Variants in KCNB2 observed in about 807,000 individuals in gnomAD.
KCNB2 encodes potassium voltage-gated channel subfamily B member 2, also known as delayed rectifier potassium channel protein.
KCNB2 carries 15 observed loss-of-function variants against 61.5 expected under a neutral mutation model. That is an observed-to-expected ratio of 0.24 (90% CI 0.16 to 0.38). The LOEUF is 0.38. KCNB2 is among the 10% of genes least tolerant of loss of function. The pLI is 1.00. For missense variants in KCNB2, 828 were observed against 1,125.2 expected (o/e 0.74, Z 3.78); for synonymous variants, 457 against 446.0 (o/e 1.02, Z -0.31).
At chr8:72,601,023 G>A (rs1185718633) in intron 2 of KCNB2, among the ~76,000 whole-genome samples, 1 of 151,550 alleles carries the variant, frequency 6.6e-6, no homozygotes, top group Non-Finnish European at 1.5e-5. Flanking sequence ...AAATTAAAAT[G>A]GTAAGTTCTA....
intron 2 of KCNB2, among the ~76,000 whole-genome samples, chr8:72,651,196 G>A (rs1806206352): frequency 6.6e-6 from 1 of 152,018 alleles, no homozygotes; most frequent in East Asian, 1.9e-4. Flanking sequence ...TGTGCATGAG[G>A]CATAGTTATA....
chr8:72,755,865 C>T (rs1285777149), intron 2 of KCNB2, among the ~76,000 whole-genome samples: 1 of 152,186 alleles, frequency 6.6e-6, no homozygotes, highest in Admixed American at 6.5e-5. Flanking sequence ...ACTACAACAC[C>T]TCCCTGTGTG....
chr8:72,561,774 TATGGATATATATATAC>T lies in KCNB2; in HGVS notation c.-93-5865_-93-5850del, dbSNP rs1563523613. Among the ~76,000 whole-genome samples the T allele has an allele frequency of 6.8e-4, 16 of 23,670 alleles. 1 individual carries two copies. The highest frequency in any genetic ancestry group is 2.7e-3 in the African/African-American group (14 of 5,186). 15.5% of individuals were successfully genotyped at this position (23,670 alleles called of 152,430 possible). ...ATATATATATATGGATATATATATA[TATGGATATATATATAC>T]ATATATATATATATGAATGATAGTT... On this transcript the variant is annotated intron_variant, in intron 1 of 2. Transcript: ENST00000523207.
At chr8:72,917,257 G>GAA (rs1415085774) in intron 2 of KCNB2, among the ~76,000 whole-genome samples, 3 of 152,200 alleles carry the variant, frequency 2.0e-5, no homozygotes, top group African/African-American at 7.2e-5. Flanking sequence ...ACAGCAAAGA[G>GAA]AAACAAGGAT....
intron 2 of KCNB2, among the ~76,000 whole-genome samples, chr8:72,728,777 G>A (rs766512308): frequency 5.9e-5 from 9 of 152,164 alleles, no homozygotes; most frequent in Non-Finnish European, 1.3e-4. Context: ...TGGAAGTATC[G>A]TGAGGTCTTT....
intron 1 of KCNB2, among the ~76,000 whole-genome samples, chr8:72,562,107 C>G (rs1310927144): frequency 2.6e-5 from 4 of 151,908 alleles, no homozygotes; most frequent in Non-Finnish European, 5.9e-5. Flanking sequence ...GCAGTGCCTG[C>G]TCAGCATGTT....
chr8:72,752,340 G>T (rs2919397), intron 2 of KCNB2, among the ~76,000 whole-genome samples: 13,729 of 152,098 alleles, frequency 0.09, 1,226 homozygotes, highest in East Asian at 0.5. Context: ...ATTATTTCTG[G>T]GTGTATTGGT....
intron 2 of KCNB2, among the ~76,000 whole-genome samples, chr8:72,596,734 C>T (rs1807197523): frequency 6.6e-6 from 1 of 152,152 alleles, no homozygotes; most frequent in Non-Finnish European, 1.5e-5. Flanking sequence ...CATATTAAAA[C>T]AACACAAAGT....
intron 1 of KCNB2, among the ~76,000 whole-genome samples, chr8:72,544,687 A>G (rs1806234594): frequency 6.6e-6 from 1 of 152,170 alleles, no homozygotes; most frequent in Admixed American, 6.5e-5. Context: ...TGGTGATTGT[A>G]TTAGTTGAGG....
At chr8:72,719,513 A>T (rs1025909140) in intron 2 of KCNB2, among the ~76,000 whole-genome samples, 1 of 152,186 alleles carries the variant, frequency 6.6e-6, no homozygotes, top group Non-Finnish European at 1.5e-5. Context: ...TTAGGCACTT[A>T]CCAATTTAGT....
chr8:72,587,239 C>T (rs1186067581), intron 2 of KCNB2, among the ~76,000 whole-genome samples: 7 of 152,132 alleles, frequency 4.6e-5, no homozygotes. Context: ...GAATAACAAT[C>T]CACTTGTCAG....
intron 2 of KCNB2, among the ~76,000 whole-genome samples, chr8:72,838,870 G>T (rs1378727039): frequency 6.6e-6 from 1 of 152,092 alleles, no homozygotes; most frequent in Non-Finnish European, 1.5e-5. Flanking sequence ...AGTGTTTGGG[G>T]TATTGAATGA....
intron 2 of KCNB2, among the ~76,000 whole-genome samples, chr8:72,727,402 T>A (rs1240171183): frequency 6.6e-6 from 1 of 152,202 alleles, no homozygotes; most frequent in Non-Finnish European, 1.5e-5. Context: ...GCTCCTCTTT[T>A]CTTTGTTCTT....
At chr8:72,587,818 G>A (rs1031654858) in intron 2 of KCNB2, among the ~76,000 whole-genome samples, 1 of 152,266 alleles carries the variant, frequency 6.6e-6, no homozygotes, top group East Asian at 1.9e-4. Context: ...ATTTGTTAAA[G>A]TTGTTAAGGT....
chr8:72,707,079 G>A (rs1166485592), intron 2 of KCNB2, among the ~76,000 whole-genome samples: 2 of 152,308 alleles, frequency 1.3e-5, no homozygotes, highest in Middle Eastern at 3.4e-3. Context: ...TAGGAACCAC[G>A]AGAGGTTATT....
At chr8:72,590,510 G>A (rs150027228) in intron 2 of KCNB2, among the ~76,000 whole-genome samples, 5 of 152,272 alleles carry the variant, frequency 3.3e-5, no homozygotes, top group Admixed American at 1.3e-4. Flanking sequence ...CACATGGCCC[G>A]TGAAAAGTGA....
At chr8:72,688,590 C>T (rs1380655944) in intron 2 of KCNB2, among the ~76,000 whole-genome samples, 4 of 152,128 alleles carry the variant, frequency 2.6e-5, no homozygotes, top group Admixed American at 1.3e-4. Context: ...GACCAGGGCT[C>T]ATTTTACTTT....
chr8:72,898,530 G>C (rs1386230922), intron 2 of KCNB2, among the ~76,000 whole-genome samples: 1 of 152,098 alleles, frequency 6.6e-6, no homozygotes, highest in African/African-American at 2.4e-5. Context: ...AAGCAACATT[G>C]GCTTAAAATA....
intron 2 of KCNB2, among the ~76,000 whole-genome samples, chr8:72,742,291 T>G (rs1807973115): frequency 6.6e-6 from 1 of 152,242 alleles, no homozygotes; most frequent in African/African-American, 2.4e-5. Context: ...GTACATTCTT[T>G]AGTAATTCAG....
Sources: allele counts gnomAD v4.1 joint callset (sites outside exome capture counted in the v4.1 genomes callset), GRCh38; gene constraint gnomAD v4.1.1; transcripts MANE v1.5; gene names NCBI Gene and HGNC (gene_info 2026-07-23, HGNC 2026-07-21).